The following WNK3 variants were observed in gnomAD, a reference collection of about 807,000 sequenced individuals.
WNK3 encodes serine/threonine-protein kinase WNK3.
A neutral mutation model predicts 116.7 loss-of-function variants in WNK3; 18 were observed. The ratio of observed to expected loss-of-function variants is 0.15; its 90% CI spans 0.11 to 0.23. WNK3 has a LOEUF of 0.23. Among genes scored for constraint, WNK3 ranks in the 10% least tolerant of loss-of-function variants. The pLI is 1.00. For missense variants in WNK3, 993 were observed against 1,323.8 expected, an observed-to-expected ratio of 0.75 and a Z score of 3.88; for synonymous variants, 404 against 469.4, an observed-to-expected ratio of 0.86 and a Z score of 1.80.
chrX:54,355,882 A>T (rs1445264110), intron 1 of WNK3, among the ~76,000 whole-genome samples: 3 of 111,506 alleles, frequency 2.7e-5, no homozygotes, highest in Non-Finnish European at 3.8e-5. Context: ...GTGCCTTTAT[A>T]CTTCTACTGT....
intron 10 of WNK3, among the ~76,000 whole-genome samples, chrX:54,275,732 T>A (rs1557160597): frequency 9.0e-6 from 1 of 110,619 alleles, no homozygotes; most frequent in Admixed American, 9.8e-5. Context: ...AGTCTAAATA[T>A]GCCAATTAAG....
At chrX:54,302,734 T>C (rs1557167784) in intron 5 of WNK3, among the ~76,000 whole-genome samples, 1 of 39,238 alleles carries the variant, frequency 2.5e-5, no homozygotes, top group Non-Finnish European at 4.7e-5. Context: ...TCTCTCTCTA[T>C]ATATATATAT....
chrX:54,213,561 A>AAAAAAAAAAAAAAAAAAC (rs2067645251), intron 22 of WNK3, among the ~76,000 whole-genome samples: 7 of 98,197 alleles, frequency 7.1e-5, no homozygotes, highest in East Asian at 5.9e-4. Flanking sequence ...CTCAAAAAAA[A>AAAAAAAAAAAAAAAAAAC]AAACAAACAA....
At chrX:54,257,309 G>T (rs782806401) in intron 11 of WNK3, among the ~76,000 whole-genome samples, 1 of 110,841 alleles carries the variant, frequency 9.0e-6, no homozygotes, top group Non-Finnish European at 1.9e-5. Flanking sequence ...GAGCACACCT[G>T]GGGGAGCAGG....
chrX:54,301,242 CA>C (rs782232400), intron 6 of WNK3, among the ~76,000 whole-genome samples: 2,950 of 34,956 alleles, frequency 0.084, 50 homozygotes, highest in African/African-American at 0.2. Flanking sequence ...GACTCTGTCT[CA>C]AAAAAAAAAA....
At chrX:54,217,315 CAAA>C (rs782153999) in intron 22 of WNK3, among the ~76,000 whole-genome samples, 13 of 49,923 alleles carry the variant, frequency 2.6e-4, no homozygotes, top group African/African-American at 4.9e-4. Flanking sequence ...AAGACTCCAT[CAAA>C]AAAAAAAAAA....
intron 5 of WNK3, among the ~76,000 whole-genome samples, chrX:54,306,340 C>T (rs1024334872): frequency 9.0e-6 from 1 of 111,515 alleles, no homozygotes; most frequent in Non-Finnish European, 1.9e-5. Flanking sequence ...CAGATATATG[C>T]ATGCCTATGT....
rs2516043 is a variant in WNK3, at chrX:54,215,623, G to A, written c.4870+13091C>T. On this transcript the variant is annotated intron_variant, in intron 22 of 23. Transcript: ENST00000354646. Reference sequence around the variant, plus strand: ...GCCCGGCCGCCACCCCGTCTAGGAAGTGAGGAGCGCCTCTTCCCGGCCGTC... The same window carrying A: ...GCCCGGCCGCCACCCCGTCTAGGAAATGAGGAGCGCCTCTTCCCGGCCGTC... Among the ~76,000 whole-genome samples the A allele has an allele frequency of 2.0e-3, 226 of 111,862 alleles. 1 individual carries two copies. Among genetic ancestry groups the A allele is most frequent in the African/African-American group, 6.7e-3 (207 of 30,792 alleles).
rs1557171065 is a variant in WNK3 at position 54,316,634 on chromosome X, C to T, written c.538-5343G>A. ...AAGAGAGCCCTCACCAGAAACCCACCAAGCTAGAACTTGATCTGGGACTTA... is the reference window on the plus strand; with the variant it reads ...AAGAGAGCCCTCACCAGAAACCCACTAAGCTAGAACTTGATCTGGGACTTA... On this transcript the variant is annotated intron_variant, in intron 2 of 23. Transcript: ENST00000354646. 2.7e-5 allele frequency among the ~76,000 whole-genome samples: 3 copies of T among 109,609 alleles called. No individual in the cohort carries two copies. In the East Asian group the frequency reaches 8.6e-4, roughly 31 times the overall value.
rs375856558 is a variant in WNK3 at position 54,198,371 on chromosome X, T to A, written c.5356A>T (p.Thr1786Ser). The change falls in exon 24 of 24, where the codon ACT becomes TCT. Residue 1786 changes from threonine (T) to serine (S), a missense_variant. By Grantham distance (58) the Thr-to-Ser change is moderately conservative. Coordinates refer to ENST00000354646, the Ensembl canonical transcript of WNK3. ...GTGGCAGGATTCTGCACTGATGAAG[T>A]TGGAAATGCCTGCATATTCATCCCT... The A allele has an allele frequency of 7.5e-6, 9 of 1,207,427 alleles. No homozygotes were observed. The African/African-American group carries it at 1.6e-4, about 21-fold the overall frequency.
At position 54,341,341 on chromosome X, in the gene WNK3, G is replaced by A. The variant is rs782690175; in HGVS notation, c.-119-7549C>T. 1.1e-3 allele frequency among the ~76,000 whole-genome samples: 116 copies of A among 110,048 alleles called. 2 individuals are homozygous for A. The highest frequency in any genetic ancestry group is 4.5e-3 in the Admixed American group (46 of 10,224). The stretch of plus-strand genomic sequence containing the variant: ...GAACCCAGGGGGCAGAGGTTGCAGC[G>A]AGCCAAGATGGCGCCACTTCACTCC... On this transcript the variant is annotated intron_variant, in intron 1 of 23. Transcript: ENST00000354646.
chrX:54,262,216 AAATGTAT>A (rs2146979157), intron 10 of WNK3, among the ~76,000 whole-genome samples: 1 of 111,418 alleles, frequency 9.0e-6, no homozygotes, highest in East Asian at 2.8e-4. Context: ...CTGCTTTTTA[AAATGTAT>A]TAAGTATTTT....
At chrX:54,205,148 G>A (rs149843406) in intron 22 of WNK3, among the ~76,000 whole-genome samples, 1 of 110,393 alleles carries the variant, frequency 9.1e-6, no homozygotes, top group African/African-American at 3.3e-5. Flanking sequence ...CTGGGTGGTG[G>A]AGGCTGCAGT....
At chrX:54,259,431 T>G in intron 10 of WNK3, 93 bp from the exon 11 acceptor site, 2 of 464,137 alleles carry the variant, frequency 4.3e-6, no homozygotes, top group Non-Finnish European at 6.9e-6. Flanking sequence ...ACGATAGTTT[T>G]GGTTACCTTG....
At chrX:54,235,026 C>A (rs2067947188) in intron 20 of WNK3, among the ~76,000 whole-genome samples, 1 of 111,409 alleles carries the variant, frequency 9.0e-6, no homozygotes, top group African/African-American at 3.3e-5. Context: ...GGAATATCAG[C>A]CTTCTGGTGA....
chrX:54,337,993 G>A (rs138719096), intron 1 of WNK3, among the ~76,000 whole-genome samples: 1,264 of 110,853 alleles, frequency 0.011, 9 homozygotes, highest in Non-Finnish European at 0.017. Context: ...TTGAGCCCAG[G>A]AGGACAAGGT....
At chrX:54,272,014 T>C (rs782381620) in intron 10 of WNK3, among the ~76,000 whole-genome samples, 1 of 112,288 alleles carries the variant, frequency 8.9e-6, no homozygotes, top group South Asian at 3.7e-4. Context: ...TTTTTGACAA[T>C]GTTCAGCAAA....
chrX:54,275,934 A>G (rs976524499), intron 10 of WNK3, among the ~76,000 whole-genome samples: 1 of 111,185 alleles, frequency 9.0e-6, no homozygotes, highest in African/African-American at 3.3e-5. Flanking sequence ...AGAAAATTAC[A>G]AGAAATGAAG....
rs146538170 is a variant in WNK3 at position 54,355,605 on chromosome X, A to T, written c.-120+2081T>A. Among the ~76,000 whole-genome samples, 156 of 110,226 alleles carry T rather than the reference A, an allele frequency of 1.4e-3. 2 individuals are homozygous for T. The highest frequency in any genetic ancestry group is 4.9e-3 in the African/African-American group (149 of 30,377). On this transcript the variant is annotated intron_variant, in intron 1 of 23. Coordinates refer to ENST00000354646, the Ensembl canonical transcript of WNK3. ...AGGGGAGGGGGAGAGAGAGCATTCC[A>T]GGTAGAGGGGGACATCAGAAGCAAA...
Sources: allele counts gnomAD v4.1 joint callset (sites outside exome capture counted in the v4.1 genomes callset), GRCh38; gene constraint gnomAD v4.1.1; transcripts MANE v1.5; gene names NCBI Gene and HGNC (gene_info 2026-07-23, HGNC 2026-07-21).